The following SHROOM3 variants were observed in gnomAD, a reference collection of about 807,000 sequenced individuals.
SHROOM3 encodes the protein shroom family member 3.
A neutral mutation model predicts 138.6 loss-of-function variants in SHROOM3; 47 were observed. The ratio of observed to expected loss-of-function variants is 0.34; its 90% CI spans 0.27 to 0.43. The LOEUF is 0.43. Ranked by LOEUF, SHROOM3 falls within the 20% of genes least tolerant of loss-of-function variation. The pLI is 1.00. For synonymous variants in SHROOM3, 1,062 were observed against 1,063.3 expected, an observed-to-expected ratio of 1.00 and a Z score of 0.02; for missense variants, 2,491 against 2,596.5, an observed-to-expected ratio of 0.96 and a Z score of 0.88.
At chr4:76,462,728 T>TTCCCTC (rs1731167603) in intron 1 of SHROOM3, among the ~76,000 whole-genome samples, 2 of 139,738 alleles carry the variant, frequency 1.4e-5, no homozygotes, top group Non-Finnish European at 1.6e-5. Context: ...CCCTCTCCCT[T>TTCCCTC]TCCCTCTCCA....
intron 3 of SHROOM3, among the ~76,000 whole-genome samples, chr4:76,725,678 T>G (rs1486696381): frequency 6.6e-6 from 1 of 152,212 alleles, no homozygotes; most frequent in African/African-American, 2.4e-5. Flanking sequence ...CAGAGGACAT[T>G]GGGTACGAGG....
chr4:76,517,049 T>C (rs1388737302), intron 1 of SHROOM3, among the ~76,000 whole-genome samples: 2 of 152,228 alleles, frequency 1.3e-5, no homozygotes, highest in South Asian at 2.1e-4. Context: ...TTGGTGACTT[T>C]CTCAGTCTTA....
chr4:76,555,809 C>T (rs1733473419), intron 2 of SHROOM3, 46 bp downstream of exon 2: 4 of 1,594,316 alleles, frequency 2.5e-6, no homozygotes, highest in Non-Finnish European at 2.6e-6. Flanking sequence ...CCTCACCCCA[C>T]CTCTCTCCCT....
At chr4:76,560,119 G>A (rs1464451626) in intron 2 of SHROOM3, among the ~76,000 whole-genome samples, 3 of 152,294 alleles carry the variant, frequency 2.0e-5, no homozygotes, top group East Asian at 3.9e-4. Context: ...ACATGGACAC[G>A]AATGAGAATC....
rs115596334 is a variant in SHROOM3 at position 76,696,712 on chromosome 4, C to T, written c.324-13444C>T. ...CAAATAAAAATGATGACTCACTTCT[C>T]TACCTGCTTTCTGCTCAGATTCTGT... On this transcript the variant is annotated intron_variant, in intron 2 of 10. Transcript: ENST00000296043. 4.4e-3 allele frequency among the ~76,000 whole-genome samples: 677 copies of T among 152,302 alleles called. 5 individuals are homozygous for T. Among genetic ancestry groups the T allele is most frequent in the African/African-American group, 0.015 (627 of 41,572 alleles).
intron 1 of SHROOM3, among the ~76,000 whole-genome samples, chr4:76,550,545 C>T (rs1193174312): frequency 6.6e-6 from 1 of 152,144 alleles, no homozygotes; most frequent in Non-Finnish European, 1.5e-5. Flanking sequence ...GGGCCTTCTA[C>T]AAAAGATCAC....
At chr4:76,582,522 C>G (rs1259761779) in intron 2 of SHROOM3, among the ~76,000 whole-genome samples, 1 of 152,130 alleles carries the variant, frequency 6.6e-6, no homozygotes, top group Non-Finnish European at 1.5e-5. Context: ...ATCTGGTGTT[C>G]AGAAATCAAG....
chr4:76,627,747 A>G (rs1264567210), intron 2 of SHROOM3, among the ~76,000 whole-genome samples: 1 of 151,114 alleles, frequency 6.6e-6, no homozygotes, highest in Non-Finnish European at 1.5e-5. Context: ...ATCATCATGC[A>G]CTGCAGCCTT....
At chr4:76,448,477 A>C (rs143143812) in intron 1 of SHROOM3, among the ~76,000 whole-genome samples, 197 of 152,276 alleles carry the variant, frequency 1.3e-3, no homozygotes, top group African/African-American at 4.6e-3. Context: ...AATGACACCA[A>C]GAGCAACCCT....
At position 76,741,211 on chromosome 4, in the gene SHROOM3, C is replaced by T. The variant is rs1380910463; in HGVS notation, c.3038C>T (p.Pro1013Leu). 1 of 1,607,566 alleles carries T rather than the reference C, an allele frequency of 6.2e-7. No homozygotes were observed. Among genetic ancestry groups the T allele is most frequent in the Non-Finnish European group, 8.5e-7 (1 of 1,177,806 alleles). The part of the protein sequence containing the change: ...ARRGARRRLT[P>L]EQKKRSYSEP... The stretch of plus-strand genomic sequence containing the variant: ...AGAGGTGCTCGCCGGCGCCTGACTC[C>T]CGAGCAGAAGAAGCGCTCCTACTCG... The change falls in exon 5 of 11, where the codon CCC (proline) becomes CTC (leucine). Residue 1013 changes from proline to leucine, a missense_variant. Around this residue, in one of 4 missense-constraint regions of SHROOM3, gnomAD observed 1,733 missense variants for 1,661.6 expected, o/e 1.04. Transcript: ENST00000296043. The surrounding 1 kb of genome is among the most constrained non-coding windows in gnomAD (Gnocchi z 6.2).
chr4:76,460,915 T>C (rs4859445), intron 1 of SHROOM3, among the ~76,000 whole-genome samples: 92,943 of 148,934 alleles, frequency 0.62, 29,959 homozygotes, highest in South Asian at 0.75. Context: ...ATCACCTGAT[T>C]CTGGGAAGTC....
At chr4:76,634,261 G>A (rs899881992) in intron 2 of SHROOM3, among the ~76,000 whole-genome samples, 13 of 152,210 alleles carry the variant, frequency 8.5e-5, no homozygotes, top group African/African-American at 2.6e-4. Context: ...AGAATTTGGG[G>A]CATTTCCTGA....
intron 2 of SHROOM3, among the ~76,000 whole-genome samples, chr4:76,581,978 C>A (rs778752126): frequency 3.5e-4 from 54 of 152,230 alleles, no homozygotes; most frequent in Non-Finnish European, 6.6e-4. Flanking sequence ...GTACAGGACA[C>A]CTGTTCTACC....
rs367773952 is a variant in SHROOM3, at chr4:76,739,086, C to T, written c.913C>T (p.Arg305Cys). ...CGAAGGGATGAGGCAGGCAGATATT[C>T]GCTATGTCAAGACAGTCTATGACAC... The part of the protein sequence containing the change: ...LLEGMRQADI[R>C]YVKTVYDTRR... Residue 305 changes from arginine (R) to cysteine (C), a missense_variant, in exon 5 of 11, where the codon CGC becomes TGC. Physicochemically the swap from Arg to Cys is radical, Grantham distance 180. This residue lies in a region of SHROOM3 where 1,733 missense variants were observed against 1,661.6 expected (regional missense o/e 1.04). Transcript: ENST00000296043. The T allele has an allele frequency of 1.3e-4, 212 of 1,614,052 alleles. No homozygotes were observed. The highest frequency in any genetic ancestry group is 1.7e-4 in the Non-Finnish European group (197 of 1,180,040).
chr4:76,612,136 G>A (rs2110061782), intron 2 of SHROOM3, among the ~76,000 whole-genome samples: 1 of 152,196 alleles, frequency 6.6e-6, no homozygotes, highest in East Asian at 1.9e-4. Context: ...TTGATTTGGA[G>A]GTATATTTTT....
rs1448693353 is a variant in SHROOM3, at chr4:76,739,963, C to A, written c.1790C>A (p.Ser597Tyr). 2.5e-6 allele frequency: 4 copies of A among 1,614,172 alleles called. No individual in the cohort carries two copies. The highest frequency in any genetic ancestry group is 3.4e-6 in the Non-Finnish European group (4 of 1,180,048). ...ERKSTHSNKP[S>Y]SHPHSLKCPQ... Reference sequence around the variant, plus strand: ...AAGAGCACCCACAGTAACAAACCATCTTCTCATCCCCACAGCCTCAAATGC... The same window carrying A: ...AAGAGCACCCACAGTAACAAACCATATTCTCATCCCCACAGCCTCAAATGC... The change falls in exon 5 of 11, where the codon TCT (serine) becomes TAT (tyrosine). Residue 597 changes from serine to tyrosine, a missense_variant. Coordinates refer to ENST00000296043, the MANE Select transcript of SHROOM3 (RefSeq NM_020859.4).
At chr4:76,605,710 C>T (rs946070013) in intron 2 of SHROOM3, among the ~76,000 whole-genome samples, 1 of 151,580 alleles carries the variant, frequency 6.6e-6, no homozygotes, top group Non-Finnish European at 1.5e-5. Flanking sequence ...TGGCATAAAT[C>T]CCAGAGCAAA....
intron 2 of SHROOM3, among the ~76,000 whole-genome samples, chr4:76,669,169 T>TA (rs1199880170): frequency 2.0e-5 from 3 of 152,250 alleles, no homozygotes; most frequent in Admixed American, 6.5e-5. Flanking sequence ...AACAACAACA[T>TA]AAAAATCCTT....
Position 76,754,485 on chromosome 4 carries a change from A to G in SHROOM3, c.4002A>G (p.Pro1334=), listed in dbSNP as rs1721736574. 3 of 1,613,992 alleles carry G rather than the reference A, an allele frequency of 1.9e-6. No homozygotes were observed. Among genetic ancestry groups the G allele is most frequent in the African/African-American group, 1.3e-5 (1 of 74,912 alleles). The change falls in exon 7 of 11, where the codon CCA becomes CCG. Residue 1334 remains proline, a synonymous_variant. Transcript: ENST00000296043. The stretch of plus-strand genomic sequence containing the variant: ...CCAGTAGGACACCCTGCCCCAGGCC[A>G]CCACTGGCAGGAACGCAAGGGCTGG... The part of the protein sequence containing the change: ...RQASRTPCPR[P]PLAGTQGLVT...
Sources: allele counts gnomAD v4.1 joint callset (sites outside exome capture counted in the v4.1 genomes callset), GRCh38; gene constraint gnomAD v4.1.1; regional missense constraint gnomAD v4.1.1; non-coding constraint Gnocchi (gnomAD v3.1); transcripts MANE v1.5; gene names NCBI Gene and HGNC (gene_info 2026-07-23, HGNC 2026-07-21).